LINGO1: variants seen among roughly 807,000 people sequenced by gnomAD.
The protein encoded by LINGO1 is leucine-rich repeat and immunoglobulin-like domain-containing nogo receptor-interacting protein 1.
In LINGO1, 11 loss-of-function variants were observed where a neutral mutation model predicts 37.3. The ratio of observed to expected loss-of-function variants is 0.29; its 90% CI spans 0.19 to 0.49. The LOEUF is 0.49. LINGO1 is among the 20% of genes least tolerant of loss of function. The pLI is 0.99. For missense variants in LINGO1, 585 were observed against 878.2 expected (o/e 0.67, Z 4.22); for synonymous variants, 387 against 403.0 (o/e 0.96, Z 0.48).
intron 1 of LINGO1, among the ~76,000 whole-genome samples, chr15:77,747,472 T>C (rs938359709): frequency 1.3e-5 from 2 of 152,176 alleles, no homozygotes; most frequent in Admixed American, 1.3e-4. Flanking sequence ...CTTCATTACT[T>C]TTTCTGTAAC....
Position 77,750,425 on chromosome 15 carries a change from C to T in LINGO1, c.-256-15372G>A, listed in dbSNP as rs551100970. On this transcript the variant is annotated intron_variant, in intron 1 of 3. Coordinates refer to the LINGO1 transcript ENST00000561686. The stretch of plus-strand genomic sequence containing the variant: ...TTACACACACACAGCCGCCCACACG[C>T]GTGCACACACGCACGCGCTCCAGTC... Among the ~76,000 whole-genome samples, 61 of 152,366 alleles carry T rather than the reference C, an allele frequency of 4.0e-4. No individual in the cohort carries two copies. The South Asian group carries it at 0.011, about 27-fold the overall frequency.
intron 2 of LINGO1, among the ~76,000 whole-genome samples, chr15:77,723,663 C>A (rs1259806296): frequency 6.6e-6 from 1 of 152,126 alleles, no homozygotes; most frequent in Non-Finnish European, 1.5e-5. Flanking sequence ...CTCAGCAGGG[C>A]AGGGAGGGAC....
chr15:77,701,837 G>A (rs1237970492), intron 2 of LINGO1, among the ~76,000 whole-genome samples: 1 of 152,166 alleles, frequency 6.6e-6, no homozygotes, highest in African/African-American at 2.4e-5. Flanking sequence ...ACGGCCTGCA[G>A]AACCATGACC....
At chr15:77,748,851 T>C (rs1384838891) in intron 1 of LINGO1, among the ~76,000 whole-genome samples, 2 of 142,744 alleles carry the variant, frequency 1.4e-5, no homozygotes, top group African/African-American at 5.4e-5. Context: ...GACTGGCCCC[T>C]AGCCTTATTT....
intron 1 of LINGO1, among the ~76,000 whole-genome samples, chr15:77,803,682 G>A (rs1337719540): frequency 1.3e-5 from 2 of 151,922 alleles, no homozygotes; most frequent in Non-Finnish European, 2.9e-5. Context: ...AGATCTGGCC[G>A]TTTGAAAGTG....
At chr15:77,642,473 C>T (rs2074529835) in intron 3 of LINGO1, among the ~76,000 whole-genome samples, 1 of 152,238 alleles carries the variant, frequency 6.6e-6, no homozygotes, top group African/African-American at 2.4e-5. Context: ...GGCCACTTCC[C>T]CTCAGGCTGG....
chr15:77,673,966 C>T (rs1036397700), intron 3 of LINGO1, among the ~76,000 whole-genome samples: 19 of 152,096 alleles, frequency 1.2e-4, no homozygotes, highest in Non-Finnish European at 4.4e-5. Flanking sequence ...AAAAGTCACC[C>T]GTTTTCACTG....
At chr15:77,770,657 C>T (rs2076576316) in intron 1 of LINGO1, among the ~76,000 whole-genome samples, 1 of 151,810 alleles carries the variant, frequency 6.6e-6, no homozygotes, top group Admixed American at 6.6e-5. Flanking sequence ...TCACCTAGGC[C>T]TCACTCCACG....
chr15:77,791,293 T>G (rs1250186423), upstream of LINGO1, among the ~76,000 whole-genome samples: 1 of 151,974 alleles, frequency 6.6e-6, no homozygotes, highest in Non-Finnish European at 1.5e-5. Flanking sequence ...ATTGCTGAGT[T>G]GGGGTGACCA....
At chr15:77,723,379 C>A (rs1214012790) in intron 2 of LINGO1, among the ~76,000 whole-genome samples, 4 of 152,148 alleles carry the variant, frequency 2.6e-5, no homozygotes, top group Non-Finnish European at 5.9e-5. Context: ...TCAAGAAGCT[C>A]CTAGAGGAAG....
upstream of LINGO1, among the ~76,000 whole-genome samples, chr15:77,791,495 G>A (rs1031414837): frequency 6.6e-6 from 1 of 152,038 alleles, no homozygotes; most frequent in African/African-American, 2.4e-5. Flanking sequence ...TGGAGGAGGA[G>A]AGTCACCTGT....
chr15:77,723,094 C>T (rs533533297), intron 2 of LINGO1, among the ~76,000 whole-genome samples: 3 of 152,320 alleles, frequency 2.0e-5, no homozygotes, highest in East Asian at 3.9e-4. Context: ...AGTTTTCTGT[C>T]TGTCGTTAAA....
chr15:77,618,210 C>T (rs1453682314), intron 1 of LINGO1, among the ~76,000 whole-genome samples: 2 of 152,200 alleles, frequency 1.3e-5, no homozygotes. Context: ...ATGAGGGGGG[C>T]TAGTGAGGAC....
At chr15:77,711,702 C>T (rs548613439) in intron 2 of LINGO1, among the ~76,000 whole-genome samples, 16 of 152,328 alleles carry the variant, frequency 1.1e-4, no homozygotes, top group African/African-American at 3.6e-4. Flanking sequence ...TGCTCTATTT[C>T]ACAAATGAAG....
chr15:77,621,773 T>A (rs995078269), intron 1 of LINGO1, among the ~76,000 whole-genome samples: 6 of 152,256 alleles, frequency 3.9e-5, no homozygotes, highest in African/African-American at 1.4e-4. Context: ...TGCCTGCGGC[T>A]GCTGCCTGGG....
chr15:77,805,381 C>A (rs1231108733), intron 1 of LINGO1, among the ~76,000 whole-genome samples: 1 of 152,184 alleles, frequency 6.6e-6, no homozygotes, highest in East Asian at 1.9e-4. Flanking sequence ...CATCTCTGGG[C>A]CTCAATTTCC....
At chr15:77,752,533 G>A (rs531157756) in intron 1 of LINGO1, among the ~76,000 whole-genome samples, 15 of 152,206 alleles carry the variant, frequency 9.9e-5, no homozygotes, top group Non-Finnish European at 2.1e-4. Context: ...ACAAATGCCA[G>A]GGAAAAGAAA....
At chr15:77,759,093 G>C (rs2076449117) in intron 1 of LINGO1, among the ~76,000 whole-genome samples, 1 of 152,192 alleles carries the variant, frequency 6.6e-6, no homozygotes, top group Non-Finnish European at 1.5e-5. Context: ...CTTAACAGCA[G>C]GGCTGGCAAG....
intron 2 of LINGO1, among the ~76,000 whole-genome samples, chr15:77,683,797 CGTT>C (rs1567519264): frequency 6.6e-6 from 1 of 151,268 alleles, no homozygotes; most frequent in African/African-American, 2.4e-5. Context: ...ATATTGTTTC[CGTT>C]TTTTAATTTT....
Sources: allele counts gnomAD v4.1 joint callset (sites outside exome capture counted in the v4.1 genomes callset), GRCh38; gene constraint gnomAD v4.1.1; transcripts MANE v1.5; gene names NCBI Gene and HGNC (gene_info 2026-07-23, HGNC 2026-07-21).